Variants in CAMK4 observed in about 807,000 individuals in gnomAD.
CAMK4 encodes the protein calcium/calmodulin-dependent protein kinase type IV.
CAMK4 carries 22 observed loss-of-function variants against 44.9 expected under a neutral mutation model. The observed-to-expected ratio is 0.49, with a 90% CI of 0.35 to 0.70. The LOEUF (loss-of-function observed/expected upper bound fraction) is 0.70. Among genes scored for constraint, CAMK4 ranks in the 30% least tolerant of loss-of-function variants. The pLI is 0.01. For missense variants in CAMK4, 498 were observed against 586.8 expected, an observed-to-expected ratio of 0.85 and a Z score of 1.56; for synonymous variants, 218 against 215.4, an observed-to-expected ratio of 1.01 and a Z score of -0.11.
At chr5:111,322,389 G>A (rs1249113018) in intron 1 of CAMK4, among the ~76,000 whole-genome samples, 2 of 152,106 alleles carry the variant, frequency 1.3e-5, no homozygotes, top group Admixed American at 6.6e-5. Context: ...GAAGGATCAC[G>A]TCCTAGGGCA....
At chr5:111,480,249 A>AACACACACACACAC (rs532395570) in intron 9 of CAMK4, among the ~76,000 whole-genome samples, 3,490 of 121,176 alleles carry the variant, frequency 0.029, 102 homozygotes, top group African/African-American at 0.052. Context: ...TAGGCATGTA[A>AACACACACACACAC]ACACACACAC....
chr5:111,238,203 T>G (rs79526444), intron 1 of CAMK4, among the ~76,000 whole-genome samples: 1 of 152,312 alleles, frequency 6.6e-6, no homozygotes, highest in African/African-American at 2.4e-5. Context: ...GATTTCTCCC[T>G]GTTTCCTTCA....
intron 1 of CAMK4, among the ~76,000 whole-genome samples, chr5:111,329,230 A>C (rs1431594617): frequency 6.6e-6 from 1 of 151,918 alleles, no homozygotes; most frequent in African/African-American, 2.4e-5. Flanking sequence ...ATGTATCTCA[A>C]AATAATAAGA....
intron 1 of CAMK4, among the ~76,000 whole-genome samples, chr5:111,307,240 T>C (rs1213421864): frequency 4.0e-5 from 1 of 24,794 alleles, no homozygotes; most frequent in African/African-American, 2.2e-4. Flanking sequence ...AAAGCCAAAA[T>C]TGACAAATGG....
At chr5:111,456,357 G>A (rs1298959740) in intron 7 of CAMK4, among the ~76,000 whole-genome samples, 2 of 152,014 alleles carry the variant, frequency 1.3e-5, no homozygotes, top group East Asian at 3.9e-4. Flanking sequence ...CGGGCATGAT[G>A]GCGAGCACCT....
chr5:111,251,990 T>C (rs948796576), intron 1 of CAMK4, among the ~76,000 whole-genome samples: 1 of 152,210 alleles, frequency 6.6e-6, no homozygotes, highest in African/African-American at 2.4e-5. Flanking sequence ...TCCACACTTG[T>C]GCGTCTCTGT....
chr5:111,448,753 C>T (rs1161605730), intron 6 of CAMK4, among the ~76,000 whole-genome samples: 1 of 151,932 alleles, frequency 6.6e-6, no homozygotes. Flanking sequence ...TACAGTAAGC[C>T]GAGATCACGC....
intron 1 of CAMK4, among the ~76,000 whole-genome samples, chr5:111,251,374 G>A (rs1182680916): frequency 6.6e-6 from 1 of 152,152 alleles, no homozygotes. Context: ...AGCCAGCAGA[G>A]GCCTTGTCTA....
intron 5 of CAMK4, among the ~76,000 whole-genome samples, chr5:111,416,034 C>A (rs1373742110): frequency 6.6e-6 from 1 of 152,050 alleles, no homozygotes; most frequent in Admixed American, 6.6e-5. Context: ...TGGAACCAAT[C>A]CCTCAGGGAT....
chr5:111,476,255 G>GTA (rs1335702768), intron 8 of CAMK4, among the ~76,000 whole-genome samples: 2 of 145,536 alleles, frequency 1.4e-5, no homozygotes, highest in African/African-American at 5.4e-5. Context: ...GTGTGTGTGT[G>GTA]TGTGTGTGTG....
At chr5:111,458,481 C>T (rs1030037235) in intron 7 of CAMK4, among the ~76,000 whole-genome samples, 2 of 152,118 alleles carry the variant, frequency 1.3e-5, no homozygotes, top group African/African-American at 4.8e-5. Flanking sequence ...ATTTGTTGTG[C>T]TTCTATGCAC....
chr5:111,226,605 C>G (rs893257793), intron 1 of CAMK4, among the ~76,000 whole-genome samples: 1 of 152,160 alleles, frequency 6.6e-6, no homozygotes, highest in African/African-American at 2.4e-5. Context: ...TAACATAAAG[C>G]CTATTTTATA....
chr5:111,262,625 A>T (rs919521506), intron 1 of CAMK4, among the ~76,000 whole-genome samples: 1 of 152,242 alleles, frequency 6.6e-6, no homozygotes, highest in Admixed American at 6.5e-5. Context: ...GCATAAATAT[A>T]AACTAAAAAG....
chr5:111,362,938 A>G (rs1464271998), intron 2 of CAMK4, among the ~76,000 whole-genome samples: 1 of 152,072 alleles, frequency 6.6e-6, no homozygotes, highest in African/African-American at 2.4e-5. Flanking sequence ...AATCTCTATC[A>G]TTTCATTCTC....
At chr5:111,312,183 C>A (rs561220674) in intron 1 of CAMK4, among the ~76,000 whole-genome samples, 49 of 152,070 alleles carry the variant, frequency 3.2e-4, no homozygotes, top group Non-Finnish European at 6.0e-4. Context: ...CAGCTGGATG[C>A]CAAGACCTTA....
At chr5:111,472,780 A>G (rs1231286947) in intron 7 of CAMK4, among the ~76,000 whole-genome samples, 2 of 152,110 alleles carry the variant, frequency 1.3e-5, no homozygotes, top group African/African-American at 4.8e-5. Context: ...GACATGTGCC[A>G]GGACACCTCC....
Position 111,489,009 on chromosome 5 carries a change from T to C in CAMK4, c.*4543T>C, listed in dbSNP as rs1309039397. 1 of 152,222 alleles carries C rather than the reference T, an allele frequency of 6.6e-6. No homozygotes were observed. Among genetic ancestry groups the C allele is most frequent in the African/African-American group, 2.4e-5 (1 of 41,472 alleles). 9.4% of individuals were successfully genotyped at this position (152,222 alleles called of 1,614,324 possible). A position where few individuals can be genotyped will look rare whatever the true frequency, so the allele number is the denominator to read the frequency against. On this transcript the variant is annotated 3_prime_UTR_variant, in exon 11 of 11. Transcript: ENST00000282356. ...GATTTCCTTATGTTCATCACTGATA[T>C]GTTCCTGATCAGGGTCATTGCTAGT...
intron 1 of CAMK4, among the ~76,000 whole-genome samples, chr5:111,229,419 A>G (rs1261628019): frequency 6.6e-6 from 1 of 152,196 alleles, no homozygotes; most frequent in African/African-American, 2.4e-5. Flanking sequence ...ATAACCTCAT[A>G]CTAAACATAA....
At chr5:111,412,386 T>G (rs2112897480) in intron 5 of CAMK4, among the ~76,000 whole-genome samples, 1 of 152,296 alleles carries the variant, frequency 6.6e-6, no homozygotes, top group East Asian at 1.9e-4. Flanking sequence ...CTGAGTAAAC[T>G]GATAAACATC....
Sources: allele counts gnomAD v4.1 joint callset (sites outside exome capture counted in the v4.1 genomes callset), GRCh38; gene constraint gnomAD v4.1.1; transcripts MANE v1.5; gene names NCBI Gene and HGNC (gene_info 2026-07-23, HGNC 2026-07-21).